Variants in EEFSEC observed in about 807,000 individuals in gnomAD.
EEFSEC encodes the protein selenocysteine-specific elongation factor.
In EEFSEC, 43 loss-of-function variants were observed where a neutral mutation model predicts 42.1. The ratio of observed to expected loss-of-function variants is 1.02; its 90% confidence interval spans 0.80 to 1.32. The LOEUF (loss-of-function observed/expected upper bound fraction) is 1.32, where lower values mean the gene tolerates loss of function less well. Among genes scored for constraint, EEFSEC ranks in the 40% most tolerant of loss-of-function variants. The pLI is 0.00. For missense variants in EEFSEC, 745 were observed against 803.6 expected (o/e 0.93, Z 0.88); for synonymous variants, 354 against 339.1 (o/e 1.04, Z -0.48).
At chr3:128,166,054 A>G (rs2065239776) in intron 1 of EEFSEC, among the ~76,000 whole-genome samples, 1 of 152,246 alleles carries the variant, frequency 6.6e-6, no homozygotes, top group African/African-American at 2.4e-5. Flanking sequence ...AAGATGATCC[A>G]GGGGACATTC....
At chr3:128,353,217 T>C (rs926810350) in intron 5 of EEFSEC, among the ~76,000 whole-genome samples, 2 of 152,248 alleles carry the variant, frequency 1.3e-5, no homozygotes, top group Non-Finnish European at 2.9e-5. Flanking sequence ...TAAGAACTTA[T>C]GATGACACCA....
intron 1 of EEFSEC, among the ~76,000 whole-genome samples, chr3:128,211,041 C>T (rs1341604526): frequency 6.6e-6 from 1 of 152,210 alleles, no homozygotes; most frequent in African/African-American, 2.4e-5. Flanking sequence ...CTGTTTAAGC[C>T]TGGACAGTGG....
chr3:128,326,287 C>T (rs1195502545), intron 4 of EEFSEC, among the ~76,000 whole-genome samples: 2 of 152,244 alleles, frequency 1.3e-5, no homozygotes, highest in African/African-American at 2.4e-5. Context: ...CTGGGCCAGG[C>T]ACTGCGTGAA....
At chr3:128,405,178 G>A (rs1172697171) in intron 6 of EEFSEC, among the ~76,000 whole-genome samples, 13 of 152,126 alleles carry the variant, frequency 8.5e-5, no homozygotes, top group South Asian at 6.2e-4. Flanking sequence ...CACCACGCCC[G>A]GCTAATTTTT....
chr3:128,408,896 C>A (rs2068153879), downstream of EEFSEC, among the ~76,000 whole-genome samples: 2 of 152,168 alleles, frequency 1.3e-5, no homozygotes, highest in African/African-American at 4.8e-5. Context: ...GGGAAGGTAC[C>A]CACAGGGAAG....
At chr3:128,250,189 T>C (rs1307148799) in intron 2 of EEFSEC, among the ~76,000 whole-genome samples, 1 of 152,188 alleles carries the variant, frequency 6.6e-6, no homozygotes, top group Non-Finnish European at 1.5e-5. Flanking sequence ...AAATATCTTC[T>C]CCTGTTTTGT....
intron 6 of EEFSEC, among the ~76,000 whole-genome samples, chr3:128,381,947 A>G (rs1287872679): frequency 6.6e-6 from 1 of 152,070 alleles, no homozygotes; most frequent in African/African-American, 2.4e-5. Flanking sequence ...AGAACAGTGG[A>G]GCACAAGTAC....
intron 1 of EEFSEC, among the ~76,000 whole-genome samples, chr3:128,158,198 G>A (rs192230149): frequency 1.4e-4 from 22 of 152,328 alleles, no homozygotes; most frequent in African/African-American, 5.1e-4. Context: ...ATCTTGAGTG[G>A]ATGAGGAGTT....
chr3:128,338,103 T>C (rs1210064695), intron 4 of EEFSEC, among the ~76,000 whole-genome samples: 1 of 152,266 alleles, frequency 6.6e-6, no homozygotes, highest in Non-Finnish European at 1.5e-5. Flanking sequence ...GCATGCACTA[T>C]GTGCACAGGT....
rs562865617 is a variant in EEFSEC at position 128,386,497 on chromosome 3, G to A, written c.1601-21572G>A. 1.2e-3 allele frequency among the ~76,000 whole-genome samples: 184 copies of A among 151,636 alleles called. 3 individuals are homozygous for A. The highest frequency in any genetic ancestry group is 4.2e-3 in the African/African-American group (172 of 41,130). On this transcript the variant is annotated intron_variant, in intron 6 of 6. Coordinates refer to ENST00000254730, the MANE Select transcript of EEFSEC (RefSeq NM_021937.5). The stretch of plus-strand genomic sequence containing the variant: ...ACAGGCAGTGGGGGGGGGATGCAGT[G>A]ACAGGTGACACCACAGCTGAGGGTA...
chr3:128,315,051 C>G (rs2066929852), intron 4 of EEFSEC, among the ~76,000 whole-genome samples: 1 of 152,192 alleles, frequency 6.6e-6, no homozygotes, highest in Admixed American at 6.5e-5. Context: ...GGAGCCCACA[C>G]TTACATCAAA....
chr3:128,203,155 C>T (rs901238586), intron 1 of EEFSEC, among the ~76,000 whole-genome samples: 1 of 152,088 alleles, frequency 6.6e-6, no homozygotes, highest in South Asian at 2.1e-4. Flanking sequence ...TGGTTACACC[C>T]AAATGTTGGC....
At chr3:128,214,157 A>G (rs746866886) in intron 1 of EEFSEC, among the ~76,000 whole-genome samples, 5 of 152,234 alleles carry the variant, frequency 3.3e-5, no homozygotes, top group Non-Finnish European at 5.9e-5. Flanking sequence ...TGTAACTGTA[A>G]CCTGCTTTAA....
At chr3:128,287,823 T>G (rs1165542072) in intron 4 of EEFSEC, among the ~76,000 whole-genome samples, 1 of 152,250 alleles carries the variant, frequency 6.6e-6, no homozygotes, top group East Asian at 1.9e-4. Flanking sequence ...GTATAGTTCC[T>G]ACCCTATTAC....
chr3:128,289,307 A>G (rs1290769986), intron 4 of EEFSEC, among the ~76,000 whole-genome samples: 2 of 152,180 alleles, frequency 1.3e-5, no homozygotes, highest in Non-Finnish European at 2.9e-5. Flanking sequence ...GGCCACCACT[A>G]TGTCTCATGC....
At chr3:128,366,727 T>C (rs1318487804) in intron 6 of EEFSEC, among the ~76,000 whole-genome samples, 1 of 152,232 alleles carries the variant, frequency 6.6e-6, no homozygotes, top group Non-Finnish European at 1.5e-5. Flanking sequence ...ACACAGTCCC[T>C]GCACCCCGGG....
intron 1 of EEFSEC, among the ~76,000 whole-genome samples, chr3:128,176,373 G>C (rs2065348144): frequency 6.6e-6 from 1 of 152,010 alleles, no homozygotes; most frequent in South Asian, 2.1e-4. Context: ...AGTGCAGTTA[G>C]AGTTAAGACA....
chr3:128,425,337 A>T, the EEFSEC span, among the ~76,000 whole-genome samples: 2 of 152,220 alleles, frequency 1.3e-5, no homozygotes, highest in South Asian at 2.1e-4. Context: ...TGCACGTCCC[A>T]GCAGCTCCTT....
At chr3:128,162,460 C>T (rs1342664391) in intron 1 of EEFSEC, among the ~76,000 whole-genome samples, 1 of 152,232 alleles carries the variant, frequency 6.6e-6, no homozygotes, top group African/African-American at 2.4e-5. Context: ...CACCTGATCT[C>T]CCCATACACT....
Sources: gnomAD v4.1 joint callset for allele counts (sites outside exome capture counted in the v4.1 genomes callset) on GRCh38, gnomAD v4.1.1 for gene constraint, MANE v1.5 for transcripts, NCBI Gene and HGNC (gene_info 2026-07-23, HGNC 2026-07-21) for gene names.